The following CASD1 variants were observed in gnomAD, a reference collection of about 807,000 sequenced individuals.
CASD1 encodes CAS1 domain sialic acid O acetyltransferase 1, also known as N-acetylneuraminate (7)9-O-acetyltransferase.
CASD1 carries 41 observed loss-of-function variants against 100.0 expected under a neutral mutation model. That is an observed-to-expected ratio of 0.41 (90% confidence interval 0.32 to 0.53). The LOEUF (loss-of-function observed/expected upper bound fraction) is 0.53. Among genes scored for constraint, CASD1 ranks in the 20% least tolerant of loss-of-function variants. The pLI, the probability that CASD1 is intolerant of heterozygous loss-of-function variation, is 0.25. For missense variants in CASD1, 774 were observed against 948.7 expected (o/e 0.82, Z 2.42); for synonymous variants, 321 against 315.6 (o/e 1.02, Z -0.18).
At chr7:94,589,915 C>T in the CASD1 span, 1 of 152,722 alleles carries the variant, frequency 6.5e-6, no homozygotes, top group Admixed American at 6.5e-5. Flanking sequence ...AAACCATCCC[C>T]CACTCCTGGT....
At chr7:94,540,437 C>T (rs1397020928) in intron 10 of CASD1, among the ~76,000 whole-genome samples, 1 of 152,090 alleles carries the variant, frequency 6.6e-6, no homozygotes, top group African/African-American at 2.4e-5. Context: ...TGAAGGATGT[C>T]TTTCTTCATT....
At chr7:94,551,213 A>T in intron 14 of CASD1, 125 bp from the exon 15 acceptor site, 1 of 617,870 alleles carries the variant, frequency 1.6e-6, no homozygotes, top group Non-Finnish European at 2.6e-6. Flanking sequence ...AGTCCTTCAT[A>T]GACACTTCAA....
chr7:94,591,602 T>C, the CASD1 span, among the ~76,000 whole-genome samples: 1 of 148,762 alleles, frequency 6.7e-6, no homozygotes, highest in African/African-American at 2.4e-5. Flanking sequence ...AAAATCAGCA[T>C]TTGGATGAGG....
intron 11 of CASD1, 125 bp from the exon 12 acceptor site, chr7:94,545,420 G>C (rs989939188): frequency 1.6e-6 from 1 of 616,982 alleles, no homozygotes; most frequent in African/African-American, 1.8e-5. Context: ...ATATATACTT[G>C]TACAGTCATT....
chr7:94,541,321 T>C (rs1795381864), intron 10 of CASD1, among the ~76,000 whole-genome samples: 1 of 151,922 alleles, frequency 6.6e-6, no homozygotes, highest in Non-Finnish European at 1.5e-5. Flanking sequence ...GAATAAAATA[T>C]GTCAAACTAG....
At chr7:94,591,051 A>G in the CASD1 span, among the ~76,000 whole-genome samples, 2 of 152,160 alleles carry the variant, frequency 1.3e-5, no homozygotes, top group Non-Finnish European at 2.9e-5. Flanking sequence ...CCCGACGATT[A>G]TATTCGTTTT....
chr7:94,599,966 T>C, the CASD1 span: 3 of 372,650 alleles, frequency 8.1e-6, no homozygotes, highest in Middle Eastern at 7.2e-4. Flanking sequence ...AAGGCCTTGA[T>C]TGAAATAAAT....
intron 3 of CASD1, among the ~76,000 whole-genome samples, chr7:94,519,679 AT>A (rs1367905210): frequency 7.2e-5 from 11 of 152,134 alleles, no homozygotes; most frequent in Admixed American, 2.6e-4. Context: ...AATTAAAAAA[AT>A]TTTTTTAATA....
chr7:94,620,205 T>G, the CASD1 span: 2 of 152,214 alleles, frequency 1.3e-5, no homozygotes. Context: ...AAGCATCCTA[T>G]TAAAGGACAT....
chr7:94,616,643 T>C, the CASD1 span, among the ~76,000 whole-genome samples: 2 of 152,166 alleles, frequency 1.3e-5, no homozygotes, highest in Admixed American at 1.3e-4. Context: ...TAGTTAAGCA[T>C]TGGATTTTTT....
Position 94,522,160 on chromosome 7 carries a change from A to G in CASD1, c.351+3837A>G, listed in dbSNP as rs1360188402. 4.6e-5 allele frequency among the ~76,000 whole-genome samples: 7 copies of G among 152,338 alleles called. No homozygotes were observed. The East Asian group carries it at 1.3e-3, about 29-fold the overall frequency. On this transcript the variant is annotated intron_variant, in intron 3 of 17. Transcript: ENST00000297273. The stretch of plus-strand genomic sequence containing the variant: ...AGTAGCCTAAACTTGTGAGCTAAAC[A>G]CAGATTTTCAGATTGCTCTTGAAGA...
intron 17 of CASD1, 144 bp from the exon 18 acceptor site, chr7:94,555,348 T>C (rs1796151202): frequency 1.3e-6 from 1 of 744,580 alleles, no homozygotes; most frequent in Non-Finnish European, 2.1e-6. Context: ...AGTGGACTTT[T>C]CAGGGCCAGT....
At chr7:94,527,765 A>G (rs1483270810) in intron 4 of CASD1, among the ~76,000 whole-genome samples, 1 of 152,174 alleles carries the variant, frequency 6.6e-6, no homozygotes, top group Non-Finnish European at 1.5e-5. Flanking sequence ...AAAGGAGAAC[A>G]TAGAGCATTC....
At chr7:94,538,924 C>A (rs1795250136) in intron 9 of CASD1, 43 bp from the exon 10 acceptor site, 2 of 1,056,432 alleles carry the variant, frequency 1.9e-6, no homozygotes, top group African/African-American at 1.6e-5. Context: ...TAAATAATTT[C>A]TTCATGATAA....
the CASD1 span, among the ~76,000 whole-genome samples, chr7:94,633,805 C>T: frequency 5.3e-5 from 8 of 152,098 alleles, no homozygotes; most frequent in East Asian, 5.8e-4. Context: ...TATGGTGGTA[C>T]GCTGCCAATG....
intron 1 of CASD1, among the ~76,000 whole-genome samples, chr7:94,512,388 C>G (rs1793755988): frequency 6.6e-6 from 1 of 152,188 alleles, no homozygotes; most frequent in African/African-American, 2.4e-5. Flanking sequence ...AAGAAAGGAT[C>G]TTACATTAGA....
At chr7:94,558,716 A>G (rs771800708), downstream of CASD1, among the ~76,000 whole-genome samples, 26 of 152,186 alleles carry the variant, frequency 1.7e-4, no homozygotes, top group Admixed American at 2.6e-4. Context: ...GGTTTCCAGA[A>G]AAGGAAGTGG....
the CASD1 span, among the ~76,000 whole-genome samples, chr7:94,612,903 A>G: frequency 6.6e-6 from 1 of 152,084 alleles, no homozygotes; most frequent in African/African-American, 2.4e-5. Flanking sequence ...TCAATCCATC[A>G]TCAGTCTCTG....
chr7:94,542,229 G>A (rs1795438028), intron 10 of CASD1, among the ~76,000 whole-genome samples: 1 of 152,124 alleles, frequency 6.6e-6, no homozygotes, highest in Non-Finnish European at 1.5e-5. Context: ...TATTTATAGA[G>A]CCATCAGATA....
Sources: gnomAD v4.1 joint callset for allele counts (sites outside exome capture counted in the v4.1 genomes callset) on GRCh38, gnomAD v4.1.1 for gene constraint, MANE v1.5 for transcripts, NCBI Gene and HGNC (gene_info 2026-07-23, HGNC 2026-07-21) for gene names.